Variants in EYA2 observed in about 807,000 individuals in gnomAD.
EYA2 encodes EYA transcriptional coactivator and phosphatase 2.
EYA2 carries 31 observed loss-of-function variants against 69.2 expected under a neutral mutation model. The observed-to-expected ratio is 0.45, with a 90% CI of 0.34 to 0.60. EYA2 has a LOEUF of 0.60. Among genes scored for constraint, EYA2 ranks in the 20% least tolerant of loss-of-function variants. The pLI, the probability that EYA2 is intolerant of heterozygous loss-of-function variation, is 0.02. For synonymous variants in EYA2, 257 were observed against 279.4 expected (o/e 0.92, Z 0.80); for missense variants, 622 against 701.2 (o/e 0.89, Z 1.28).
rs1446299634 is a variant in EYA2 at position 46,894,986 on chromosome 20, C to A, written c.-12C>A. ...GTCGGGGCGCCCTCTCCACTGCGCGCGGTGAGTACCGCCAGCGGCGCCCAC... is the reference window on the plus strand; with the variant it reads ...GTCGGGGCGCCCTCTCCACTGCGCGAGGTGAGTACCGCCAGCGGCGCCCAC... On this transcript the variant is annotated splice_region_variant and 5_prime_UTR_variant, in exon 1 of 16. Transcript: ENST00000327619. 7.3e-5 allele frequency: 11 copies of A among 151,612 alleles called. No individual in the cohort carries two copies. Among genetic ancestry groups the A allele is most frequent in the Admixed American group, 7.2e-4 (11 of 15,204 alleles). The allele number at this position is 151,612 out of a possible 1,614,324, so 9.4% of individuals were successfully genotyped here. A position where few individuals can be genotyped will look rare whatever the true frequency, so the allele number is the denominator to read the frequency against.
At chr20:47,038,755 C>G (rs1312812519) in intron 5 of EYA2, among the ~76,000 whole-genome samples, 1 of 152,178 alleles carries the variant, frequency 6.6e-6, no homozygotes, top group African/African-American at 2.4e-5. Flanking sequence ...CATTGAACAA[C>G]TAGTCCCCGT....
chr20:46,894,934 A>ACCGG lies in EYA2; in HGVS notation c.-61_-58dup, dbSNP rs1983717869. On this transcript the variant is annotated 5_prime_UTR_variant, in exon 1 of 16. Coordinates refer to ENST00000327619, the MANE Select transcript of EYA2 (RefSeq NM_005244.5). ...GTCAGCCCGGCCTCGTCGGACCCGC[A>ACCGG]CCGGCCCGCCCGCCCGCCCGCACCG... 1 of 151,338 alleles carries ACCGG rather than the reference A, an allele frequency of 6.6e-6. No homozygotes were observed. Among genetic ancestry groups the ACCGG allele is most frequent in the Non-Finnish European group, 1.5e-5 (1 of 67,838 alleles). The allele number at this position is 151,338 out of a possible 1,614,324, so 9.4% of individuals were successfully genotyped here.
chr20:47,120,813 A>ATT (rs5841675), intron 9 of EYA2, among the ~76,000 whole-genome samples: 1 of 152,010 alleles, frequency 6.6e-6, no homozygotes, highest in East Asian at 1.9e-4. Flanking sequence ...AAAGATGAAT[A>ATT]TTTTTTACTT....
intron 1 of EYA2, among the ~76,000 whole-genome samples, chr20:46,930,274 T>TA (rs1985610497): frequency 6.6e-6 from 1 of 152,222 alleles, no homozygotes; most frequent in South Asian, 2.1e-4. Context: ...CTAAAACTTT[T>TA]AAAAAATAAA....
intron 9 of EYA2, among the ~76,000 whole-genome samples, chr20:47,108,514 T>A (rs560438165): frequency 6.6e-6 from 1 of 152,198 alleles, no homozygotes; most frequent in South Asian, 2.1e-4. Flanking sequence ...GATATTCCTT[T>A]ATAGCAACAC....
At chr20:46,986,545 T>C (rs1042646630) in intron 1 of EYA2, among the ~76,000 whole-genome samples, 2 of 140,056 alleles carry the variant, frequency 1.4e-5, no homozygotes, top group African/African-American at 5.2e-5. Context: ...CATTTTGCGT[T>C]GCTGTAAAGG....
intron 10 of EYA2, among the ~76,000 whole-genome samples, chr20:47,153,813 G>A (rs1215364863): frequency 1.3e-5 from 2 of 151,984 alleles, no homozygotes; most frequent in Non-Finnish European, 2.9e-5. Flanking sequence ...TGGGATCAGA[G>A]GACCTAAGTT....
chr20:47,088,712 G>A (rs1040886589), intron 7 of EYA2, among the ~76,000 whole-genome samples: 2 of 152,058 alleles, frequency 1.3e-5, no homozygotes, highest in African/African-American at 2.4e-5. Flanking sequence ...TCTGCCTCCC[G>A]AGTAGCTGGG....
At chr20:46,968,782 C>T (rs1024648517) in intron 1 of EYA2, among the ~76,000 whole-genome samples, 27 of 152,154 alleles carry the variant, frequency 1.8e-4, no homozygotes, top group Admixed American at 1.2e-3. Context: ...CCCACCCCGC[C>T]GCGCCCCCCA....
chr20:47,161,986 C>T (rs2034077889), intron 10 of EYA2, among the ~76,000 whole-genome samples: 1 of 152,138 alleles, frequency 6.6e-6, no homozygotes, highest in Admixed American at 6.5e-5. Context: ...ACGAGAAGTC[C>T]AAGATCAAGG....
intron 5 of EYA2, among the ~76,000 whole-genome samples, chr20:47,056,313 C>G (rs1258560126): frequency 6.6e-6 from 1 of 152,012 alleles, no homozygotes; most frequent in Non-Finnish European, 1.5e-5. Context: ...ACATGGGTAC[C>G]CCAGGAGGCT....
chr20:47,003,013 T>A (rs546717978), intron 3 of EYA2, among the ~76,000 whole-genome samples: 96 of 152,356 alleles, frequency 6.3e-4, no homozygotes, highest in African/African-American at 2.3e-3. Flanking sequence ...GCAAACAGGC[T>A]TTAGCAAAAG....
At chr20:47,060,238 C>T (rs904343822) in intron 5 of EYA2, among the ~76,000 whole-genome samples, 1 of 152,200 alleles carries the variant, frequency 6.6e-6, no homozygotes, top group African/African-American at 2.4e-5. Context: ...AACAAGAACT[C>T]TCTACCCCAA....
At chr20:46,895,692 AT>A (rs1983771534) in intron 1 of EYA2, among the ~76,000 whole-genome samples, 1 of 152,204 alleles carries the variant, frequency 6.6e-6, no homozygotes, top group African/African-American at 2.4e-5. Context: ...TTTTTTAGTC[AT>A]GAAGTCTGGA....
intron 4 of EYA2, among the ~76,000 whole-genome samples, chr20:47,011,242 A>G (rs1454049826): frequency 6.6e-6 from 1 of 152,214 alleles, no homozygotes; most frequent in African/African-American, 2.4e-5. Flanking sequence ...CTTGGAAAGC[A>G]GAGGGCACCT....
intron 1 of EYA2, among the ~76,000 whole-genome samples, chr20:46,923,433 C>T (rs1401161270): frequency 6.6e-6 from 1 of 152,074 alleles, no homozygotes; most frequent in Non-Finnish European, 1.5e-5. Flanking sequence ...AATACAGTAC[C>T]CAGTTCTAGA....
chr20:47,123,161 CT>C lies in EYA2; in HGVS notation c.889-19888del, dbSNP rs531314950. Among the ~76,000 whole-genome samples, 495 of 148,828 alleles carry C rather than the reference CT, an allele frequency of 3.3e-3. 2 individuals carry two copies. Among genetic ancestry groups the C allele is most frequent in the Middle Eastern group, 7.0e-3 (2 of 286 alleles). ...AGTTTTTGTAGATAAGCAAATGACA[CT>C]TTTTTTTTTAATTGACAGATAATAA... On this transcript the variant is annotated intron_variant, in intron 9 of 15. Coordinates refer to ENST00000327619, the MANE Select transcript of EYA2 (RefSeq NM_005244.5).
chr20:47,043,751 A>G (rs2029896018), intron 5 of EYA2, among the ~76,000 whole-genome samples: 5 of 152,232 alleles, frequency 3.3e-5, no homozygotes, highest in Admixed American at 3.3e-4. Context: ...TTCCTGACAC[A>G]TAATAAGTTC....
chr20:47,179,756 T>G, intron 12 of EYA2, 42 bp from the exon 13 acceptor site: 1 of 1,436,168 alleles, frequency 7.0e-7, no homozygotes. Flanking sequence ...CCCCCAGATC[T>G]TTCTAATACG....
Sources: allele counts gnomAD v4.1 joint callset (sites outside exome capture counted in the v4.1 genomes callset), GRCh38; gene constraint gnomAD v4.1.1; transcripts MANE v1.5; gene names NCBI Gene and HGNC (gene_info 2026-07-23, HGNC 2026-07-21).